RAB3C: variants seen among roughly 807,000 people sequenced by gnomAD.
RAB3C encodes the protein ras-related protein Rab-3C.
In RAB3C, 17 loss-of-function variants were observed where a neutral mutation model predicts 26.4. The observed-to-expected ratio is 0.64, with a 90% CI of 0.44 to 0.97. RAB3C has a LOEUF of 0.97. RAB3C is among the 50% of genes least tolerant of loss of function. The pLI is 0.00. For missense variants in RAB3C, 242 were observed against 281.9 expected (o/e 0.86, Z 1.01); for synonymous variants, 91 against 95.9 (o/e 0.95, Z 0.30).
chr5:58,802,392 ACT>A (rs976848333), intron 3 of RAB3C, among the ~76,000 whole-genome samples: 1 of 152,112 alleles, frequency 6.6e-6, no homozygotes, highest in African/African-American at 2.4e-5. Context: ...TAGTGCAGTG[ACT>A]CTGTGTGCAC....
At chr5:58,798,348 A>C (rs1216680285) in intron 3 of RAB3C, among the ~76,000 whole-genome samples, 1 of 152,212 alleles carries the variant, frequency 6.6e-6, no homozygotes, top group Non-Finnish European at 1.5e-5. Flanking sequence ...AGCTGATGAT[A>C]TACTAACCAA....
intron 3 of RAB3C, chr5:58,741,651 AC>A (rs1282172952): frequency 1.3e-5 from 2 of 152,100 alleles, no homozygotes; most frequent in Non-Finnish European, 2.9e-5. Context: ...GTAATCACAT[AC>A]CACTATGTCC....
At chr5:58,789,608 G>A (rs1044825160) in intron 3 of RAB3C, among the ~76,000 whole-genome samples, 1 of 152,126 alleles carries the variant, frequency 6.6e-6, no homozygotes, top group East Asian at 1.9e-4. Flanking sequence ...GGGCCACACA[G>A]TTAATGAGTG....
chr5:58,841,255 A>G (rs949010166), intron 4 of RAB3C, among the ~76,000 whole-genome samples: 1 of 152,196 alleles, frequency 6.6e-6, no homozygotes, highest in Admixed American at 6.5e-5. Context: ...GGCTGGCTCA[A>G]GAGTAGAGTT....
At chr5:58,698,486 G>C (rs974852271) in intron 2 of RAB3C, among the ~76,000 whole-genome samples, 9 of 152,068 alleles carry the variant, frequency 5.9e-5, no homozygotes, top group African/African-American at 1.2e-4. Context: ...TGCTAGGTTG[G>C]GGAAGTTCTC....
Position 58,851,422 on chromosome 5 carries a change from A to C in RAB3C, c.*71A>C, listed in dbSNP as rs1744112834. ...AAACAGCATTTGTAAATGGTCTATTAGCCTTCATTTATACTGCCTAACAAT... is the reference window on the plus strand; with the variant it reads ...AAACAGCATTTGTAAATGGTCTATTCGCCTTCATTTATACTGCCTAACAAT... On this transcript the variant is annotated 3_prime_UTR_variant, in exon 5 of 5. Transcript: ENST00000282878. 4 of 1,255,990 alleles carry C rather than the reference A, an allele frequency of 3.2e-6. No homozygotes were observed. The highest frequency in any genetic ancestry group is 2.0e-4 in the Middle Eastern group (1 of 5,092). The allele number at this position is 1,255,990 out of a possible 1,614,324, so 77.8% of individuals were successfully genotyped here. A position where few individuals can be genotyped will look rare whatever the true frequency, so the allele number is the denominator to read the frequency against.
At chr5:58,742,441 A>G (rs2111948915) in intron 3 of RAB3C, among the ~76,000 whole-genome samples, 1 of 152,316 alleles carries the variant, frequency 6.6e-6, no homozygotes, top group African/African-American at 2.4e-5. Context: ...GGTCAGCTTT[A>G]GGCCCTCTCT....
intron 2 of RAB3C, among the ~76,000 whole-genome samples, chr5:58,704,583 C>T (rs902552312): frequency 3.9e-5 from 6 of 152,064 alleles, no homozygotes; most frequent in Non-Finnish European, 7.4e-5. Flanking sequence ...AAATGCTATA[C>T]AAATGATCTG....
chr5:58,612,585 G>A (rs1226887422), intron 1 of RAB3C, among the ~76,000 whole-genome samples: 1 of 144,162 alleles, frequency 6.9e-6, no homozygotes, highest in Non-Finnish European at 1.5e-5. Context: ...TTTGGCAGTT[G>A]TGAATGGAAT....
chr5:58,784,865 C>G (rs1742342009), intron 3 of RAB3C: 2 of 152,262 alleles, frequency 1.3e-5, no homozygotes, highest in South Asian at 4.1e-4. Context: ...ACGGCATTAT[C>G]TATCTCACCC....
At chr5:58,814,982 C>T (rs968562037) in intron 3 of RAB3C, among the ~76,000 whole-genome samples, 3 of 152,118 alleles carry the variant, frequency 2.0e-5, no homozygotes, top group African/African-American at 4.8e-5. Flanking sequence ...AGTACTGGCT[C>T]TCTGCAACAG....
At chr5:58,734,548 T>C (rs922814291) in intron 3 of RAB3C, among the ~76,000 whole-genome samples, 1 of 152,156 alleles carries the variant, frequency 6.6e-6, no homozygotes, top group Non-Finnish European at 1.5e-5. Flanking sequence ...TAGAACATTA[T>C]TTTTGTGCAG....
intron 3 of RAB3C, chr5:58,794,668 T>C (rs1047275322): frequency 1.3e-4 from 20 of 152,262 alleles, no homozygotes; most frequent in African/African-American, 4.3e-4. Context: ...TTAAGTATTA[T>C]AGACAAAGGA....
intron 4 of RAB3C, among the ~76,000 whole-genome samples, chr5:58,850,005 T>A (rs1744080773): frequency 6.6e-6 from 1 of 152,092 alleles, no homozygotes; most frequent in Non-Finnish European, 1.5e-5. Context: ...GGGTGTAAAA[T>A]TCAGAATGGA....
At chr5:58,623,020 T>A (rs1263443461) in intron 2 of RAB3C, among the ~76,000 whole-genome samples, 1 of 152,256 alleles carries the variant, frequency 6.6e-6, no homozygotes, top group Non-Finnish European at 1.5e-5. Flanking sequence ...CAGTAGTTTC[T>A]TATGACCTGT....
chr5:58,653,107 A>G (rs1271268391), intron 2 of RAB3C, among the ~76,000 whole-genome samples: 1 of 151,970 alleles, frequency 6.6e-6, no homozygotes, highest in African/African-American at 2.4e-5. Flanking sequence ...TGTTTCTCCT[A>G]ATGCTATCCC....
intron 1 of RAB3C, 160 bp downstream of exon 1, chr5:58,583,392 C>T (rs1745946403): frequency 1.0e-6 from 1 of 962,380 alleles, no homozygotes; most frequent in Non-Finnish European, 1.2e-6. Flanking sequence ...GGTTTCTTTA[C>T]GCTCTGTGTG....
At chr5:58,656,105 G>T (rs754457317) in intron 2 of RAB3C, among the ~76,000 whole-genome samples, 1 of 152,062 alleles carries the variant, frequency 6.6e-6, no homozygotes, top group Non-Finnish European at 1.5e-5. Flanking sequence ...CTCTTACATG[G>T]TTGATAAGAG....
chr5:58,699,862 AGTT>A (rs748790259), intron 2 of RAB3C, among the ~76,000 whole-genome samples: 49 of 152,168 alleles, frequency 3.2e-4, no homozygotes, highest in Non-Finnish European at 5.4e-4. Flanking sequence ...TTTTCCAAGT[AGTT>A]TGTCACTGCT....
Sources: gnomAD v4.1 joint callset for allele counts (sites outside exome capture counted in the v4.1 genomes callset) on GRCh38, gnomAD v4.1.1 for gene constraint, MANE v1.5 for transcripts, NCBI Gene and HGNC (gene_info 2026-07-23, HGNC 2026-07-21) for gene names.